Variants in DDAH1 observed in about 807,000 individuals in gnomAD.
The protein encoded by DDAH1 is N(G),N(G)-dimethylarginine dimethylaminohydrolase 1.
Under a neutral mutation model 28.8 loss-of-function variants are expected in DDAH1, and 19 were observed. The observed-to-expected ratio is 0.66, with a 90% CI of 0.46 to 0.97. DDAH1 has a LOEUF of 0.97. Among genes scored for constraint, DDAH1 ranks in the 50% least tolerant of loss-of-function variants. The pLI, the probability that DDAH1 is intolerant of heterozygous loss-of-function variation, is 0.00. For synonymous variants in DDAH1, 153 were observed against 154.4 expected (o/e 0.99, Z 0.07); for missense variants, 326 against 375.9 (o/e 0.87, Z 1.10).
At chr1:85,444,632 G>C (rs916810605) in intron 1 of DDAH1, among the ~76,000 whole-genome samples, 4 of 152,188 alleles carry the variant, frequency 2.6e-5, no homozygotes, top group Admixed American at 2.6e-4. Context: ...GTGCTAAACT[G>C]TACTGAATAT....
intron 1 of DDAH1, among the ~76,000 whole-genome samples, chr1:85,413,088 C>A (rs1056364692): frequency 6.6e-6 from 1 of 152,134 alleles, no homozygotes; most frequent in African/African-American, 2.4e-5. Flanking sequence ...AAATCTATTA[C>A]CATGAATACC....
At position 85,465,099 on chromosome 1, in the gene DDAH1, G is replaced by A. The variant is rs1019698097; in HGVS notation, c.-54C>T. The A allele has an allele frequency of 2.6e-5, 31 of 1,193,254 alleles. No individual in the cohort carries two copies. Among genetic ancestry groups the A allele is most frequent in the African/African-American group, 3.2e-5 (2 of 62,590 alleles). 73.9% of individuals were successfully genotyped at this position (1,193,254 alleles called of 1,614,324 possible). A position where few individuals can be genotyped will look rare whatever the true frequency, so the allele number is the denominator to read the frequency against. On this transcript the variant is annotated 5_prime_UTR_variant, in exon 1 of 6. Coordinates refer to ENST00000284031, the MANE Select transcript of DDAH1 (RefSeq NM_012137.4). ...GCGGCGGAGGCGGCCGGGTCCTGCC[G>A]CGGGCAGCGCGCGCTGAGCCTGCGA...
At chr1:85,378,913 A>T (rs1229454277) in intron 1 of DDAH1, among the ~76,000 whole-genome samples, 3 of 152,218 alleles carry the variant, frequency 2.0e-5, no homozygotes, top group Non-Finnish European at 4.4e-5. Flanking sequence ...CACAGCTAAA[A>T]TTCTAAATTA....
intron 1 of DDAH1, among the ~76,000 whole-genome samples, chr1:85,439,403 C>G (rs1459904870): frequency 6.6e-6 from 1 of 152,214 alleles, no homozygotes; most frequent in Non-Finnish European, 1.5e-5. Context: ...TGCAGCTTCC[C>G]AAGTGTCTGA....
chr1:85,467,928 A>G (rs554187323), upstream of DDAH1, among the ~76,000 whole-genome samples: 2 of 152,362 alleles, frequency 1.3e-5, 1 homozygote, highest in South Asian at 4.1e-4. Flanking sequence ...TGAGAGGTAT[A>G]GATAACAAAG....
intron 2 of DDAH1, among the ~76,000 whole-genome samples, chr1:85,476,915 A>C (rs957949269): frequency 6.6e-6 from 1 of 152,228 alleles, no homozygotes; most frequent in African/African-American, 2.4e-5. Flanking sequence ...GTCACTGACT[A>C]GTAGTAGGTG....
chr1:85,578,076 G>A (rs1360030859), exon 1 of DDAH1: 1 of 936,480 alleles, frequency 1.1e-6, no homozygotes, highest in African/African-American at 1.8e-5. Flanking sequence ...GGGAGGCTGG[G>A]GTTTCTGGAC....
upstream of DDAH1, among the ~76,000 whole-genome samples, chr1:85,469,698 G>A (rs976075088): frequency 1.3e-5 from 2 of 152,086 alleles, no homozygotes; most frequent in Non-Finnish European, 2.9e-5. Flanking sequence ...GGCCTTCCTA[G>A]GTTGACAGAC....
intron 2 of DDAH1, among the ~76,000 whole-genome samples, chr1:85,353,100 A>G (rs190181485): frequency 1.1e-3 from 172 of 152,302 alleles, no homozygotes; most frequent in African/African-American, 4.0e-3. Context: ...CAAAGTACAA[A>G]ATTTCTGCAG....
At chr1:85,339,331 C>G (rs1288788878) in intron 4 of DDAH1, among the ~76,000 whole-genome samples, 2 of 152,182 alleles carry the variant, frequency 1.3e-5, no homozygotes, top group South Asian at 2.1e-4. Flanking sequence ...GGTCCCACTT[C>G]GGGAAGAGAT....
At chr1:85,566,363 A>C (rs1028984117) in intron 1 of DDAH1, among the ~76,000 whole-genome samples, 2 of 151,510 alleles carry the variant, frequency 1.3e-5, no homozygotes, top group African/African-American at 4.8e-5. Flanking sequence ...GTGGTGGTGC[A>C]CACCTGTAGT....
intron 1 of DDAH1, among the ~76,000 whole-genome samples, chr1:85,365,013 T>C (rs1649997455): frequency 6.6e-6 from 1 of 152,234 alleles, no homozygotes; most frequent in Non-Finnish European, 1.5e-5. Flanking sequence ...TAGTTAGCAA[T>C]GGTAACAGCA....
rs1655249741 is a variant in DDAH1, at chr1:85,464,235, A to G, written c.303+508T>C. Among the ~76,000 whole-genome samples the G allele has an allele frequency of 6.6e-6, 1 of 152,118 alleles. No individual in the cohort carries two copies. The highest frequency in any genetic ancestry group is 2.4e-5 in the African/African-American group (1 of 41,416). ...CTCGCCACCACTGAAAACTAACTTGAGAAGCCCCAGGTCTGTGGGCACCGA... is the reference window on the plus strand; with the variant it reads ...CTCGCCACCACTGAAAACTAACTTGGGAAGCCCCAGGTCTGTGGGCACCGA... On this transcript the variant is annotated intron_variant, in intron 1 of 5. Transcript: ENST00000284031. This position sits in a 1 kb window ranked among gnomAD's most constrained non-coding sequence, Gnocchi z 4.4.
At chr1:85,487,092 T>G (rs1313864001) in intron 2 of DDAH1, among the ~76,000 whole-genome samples, 1 of 152,194 alleles carries the variant, frequency 6.6e-6, no homozygotes, top group African/African-American at 2.4e-5. Flanking sequence ...AAAAGTTACA[T>G]TTGTGTTCTT....
intron 1 of DDAH1, among the ~76,000 whole-genome samples, chr1:85,361,083 G>A (rs940848423): frequency 2.0e-5 from 3 of 152,124 alleles, no homozygotes; most frequent in Non-Finnish European, 4.4e-5. Context: ...GCATCAAATC[G>A]GCAATGCTAA....
At chr1:85,554,211 AAG>A (rs1425520554) in intron 1 of DDAH1, among the ~76,000 whole-genome samples, 4 of 152,038 alleles carry the variant, frequency 2.6e-5, no homozygotes, top group African/African-American at 4.8e-5. Context: ...TCATGCCTGA[AAG>A]AGAGGCCAGC....
intron 1 of DDAH1, among the ~76,000 whole-genome samples, chr1:85,372,384 A>T (rs1164404735): frequency 6.6e-6 from 1 of 152,064 alleles, no homozygotes; most frequent in Admixed American, 6.6e-5. Context: ...AAAATAGTGA[A>T]TTTTTCTTCA....
At chr1:85,365,413 C>A (rs1487683103) in intron 1 of DDAH1, among the ~76,000 whole-genome samples, 1 of 152,168 alleles carries the variant, frequency 6.6e-6, no homozygotes, top group Non-Finnish European at 1.5e-5. Flanking sequence ...CTACAAATTG[C>A]AGCAGTCTGA....
At chr1:85,508,215 G>A (rs1316835254) in intron 1 of DDAH1, among the ~76,000 whole-genome samples, 2 of 152,132 alleles carry the variant, frequency 1.3e-5, no homozygotes, top group Admixed American at 6.5e-5. Flanking sequence ...TGCCTGAATC[G>A]ATTATTTCAT....
Sources: gnomAD v4.1 joint callset for allele counts (sites outside exome capture counted in the v4.1 genomes callset) on GRCh38, gnomAD v4.1.1 for gene constraint, Gnocchi (gnomAD v3.1) non-coding constraint, MANE v1.5 for transcripts, NCBI Gene and HGNC (gene_info 2026-07-23, HGNC 2026-07-21) for gene names.